The following TEX11 variants were observed in gnomAD, a reference collection of about 807,000 sequenced individuals.
The protein encoded by TEX11 is testis expressed 11.
Under a neutral mutation model 84.4 loss-of-function variants are expected in TEX11, and 7 were observed. The observed-to-expected ratio is 0.08, with a 90% CI of 0.05 to 0.16. The LOEUF (loss-of-function observed/expected upper bound fraction) is 0.16. Among genes scored for constraint, TEX11 ranks in the 10% least tolerant of loss-of-function variants. The pLI is 1.00. For synonymous variants in TEX11, 264 were observed against 222.8 expected (o/e 1.18, Z -1.64); for missense variants, 551 against 660.5 (o/e 0.83, Z 1.82).
Position 70,809,920 on chromosome X carries a change from A to C in TEX11, c.607-3130T>G, listed in dbSNP as rs147767813. 3.0e-4 allele frequency among the ~76,000 whole-genome samples: 34 copies of C among 112,111 alleles called. No individual in the cohort carries two copies. The East Asian group carries it at 9.4e-3, about 31-fold the overall frequency. Reference sequence around the variant, plus strand: ...GACCTGTAAACTTATTTTACTCTTTAAACTATGTATAGATACACACTGATA... The same window carrying C: ...GACCTGTAAACTTATTTTACTCTTTCAACTATGTATAGATACACACTGATA... On this transcript the variant is annotated intron_variant, in intron 8 of 29. Coordinates refer to ENST00000374333, the MANE Select transcript of TEX11 (RefSeq NM_031276.3).
chrX:70,606,898 G>T, intron 23 of TEX11, 61 bp downstream of exon 23: 2 of 732,165 alleles, frequency 2.7e-6, no homozygotes, highest in Non-Finnish European at 4.0e-6. Flanking sequence ...CTTTACTATA[G>T]CCATAGTGGT....
chrX:70,888,733 A>T (rs1383979362), intron 2 of TEX11, among the ~76,000 whole-genome samples: 1 of 111,833 alleles, frequency 8.9e-6, no homozygotes, highest in Non-Finnish European at 1.9e-5. Flanking sequence ...AAAAGGTTAT[A>T]GAACACCAAG....
intron 9 of TEX11, among the ~76,000 whole-genome samples, chrX:70,803,132 AT>A (rs2091198772): frequency 8.9e-6 from 1 of 111,910 alleles, no homozygotes; most frequent in South Asian, 3.7e-4. Flanking sequence ...AAAAAATGGT[AT>A]TTTATTAAAC....
At chrX:70,662,601 A>C (rs1022890802) in intron 16 of TEX11, among the ~76,000 whole-genome samples, 89 of 111,738 alleles carry the variant, frequency 8.0e-4, no homozygotes, top group Non-Finnish European at 1.5e-3. Flanking sequence ...AAAAATGTTA[A>C]GTGCAGCCAG....
intron 25 of TEX11, among the ~76,000 whole-genome samples, chrX:70,589,931 T>C (rs1213314005): frequency 8.9e-6 from 1 of 112,446 alleles, no homozygotes; most frequent in Non-Finnish European, 1.9e-5. Flanking sequence ...TACTGTAGTT[T>C]GGGTTTTTAA....
intron 24 of TEX11, 74 bp downstream of exon 24, chrX:70,605,327 A>T (rs1399633223): frequency 3.1e-6 from 2 of 652,179 alleles, no homozygotes; most frequent in Non-Finnish European, 4.8e-6. Context: ...AATCAAAAAG[A>T]ACTGCATCAG....
chrX:70,907,873 TC>T, intron 1 of TEX11, 63 bp from the exon 2 acceptor site: 1 of 744,695 alleles, frequency 1.3e-6, no homozygotes, highest in Non-Finnish European at 2.1e-6. Flanking sequence ...CAAATTTCTT[TC>T]CAGTGAAATG....
At chrX:70,808,306 C>T (rs1213769572) in intron 8 of TEX11, among the ~76,000 whole-genome samples, 2 of 106,457 alleles carry the variant, frequency 1.9e-5, no homozygotes, top group Non-Finnish European at 3.8e-5. Context: ...AGTTTGAGAC[C>T]AGCCTGGCCA....
At chrX:70,577,021 C>T (rs56653755) in intron 25 of TEX11, among the ~76,000 whole-genome samples, 1,224 of 111,521 alleles carry the variant, frequency 0.011, 22 homozygotes, top group African/African-American at 0.038. Context: ...CCATAGCTGC[C>T]TATATCCACT....
At chrX:70,801,748 T>C (rs1394781940) in intron 9 of TEX11, among the ~76,000 whole-genome samples, 4 of 108,409 alleles carry the variant, frequency 3.7e-5, no homozygotes, top group Non-Finnish European at 3.8e-5. Context: ...TAATACTGCA[T>C]TGTACACTTG....
intron 20 of TEX11, among the ~76,000 whole-genome samples, chrX:70,621,581 TAA>T (rs1363027482): frequency 7.8e-5 from 4 of 51,366 alleles, no homozygotes; most frequent in East Asian, 6.8e-4. Flanking sequence ...TATATATAAA[TAA>T]AAATAAAATA....
At chrX:70,720,732 A>G (rs1030945262) in intron 13 of TEX11, among the ~76,000 whole-genome samples, 6 of 101,366 alleles carry the variant, frequency 5.9e-5, no homozygotes, top group Non-Finnish European at 1.2e-4. Context: ...ATTATTTTTC[A>G]TTACACAGAT....
At chrX:70,705,722 T>C (rs1387692810) in intron 13 of TEX11, among the ~76,000 whole-genome samples, 1 of 112,145 alleles carries the variant, frequency 8.9e-6, no homozygotes, top group African/African-American at 3.2e-5. Context: ...TCATCATCAC[T>C]GGCCATCAGA....
chrX:70,644,679 A>T (rs1227651201), intron 17 of TEX11, among the ~76,000 whole-genome samples: 1 of 91,186 alleles, frequency 1.1e-5, no homozygotes, highest in Non-Finnish European at 2.2e-5. Context: ...AGAACAAAAA[A>T]CCAAACACCG....
At position 70,581,386 on chromosome X, in the gene TEX11, C is replaced by T. The variant is rs772524935; in HGVS notation, c.2140+10365G>A. 3.8e-5 allele frequency among the ~76,000 whole-genome samples: 4 copies of T among 105,626 alleles called. No individual in the cohort carries two copies. The East Asian group carries it at 1.2e-3, about 32-fold the overall frequency. The allele number at this position is 105,626 out of a possible 115,157, so 91.7% of individuals were successfully genotyped here. A position where few individuals can be genotyped will look rare whatever the true frequency, so the allele number is the denominator to read the frequency against. On this transcript the variant is annotated intron_variant, in intron 25 of 29. Coordinates refer to ENST00000374333, the MANE Select transcript of TEX11 (RefSeq NM_031276.3). ...TGATCTCGGCTCACTGCAACCTCCG[C>T]CTGCTGGGTTCAAGTAATTCTCCTA...
At chrX:70,727,425 T>C (rs779153658) in intron 11 of TEX11, among the ~76,000 whole-genome samples, 2 of 111,240 alleles carry the variant, frequency 1.8e-5, no homozygotes, top group East Asian at 5.7e-4. Context: ...AACACCGGTG[T>C]CCTCACTACC....
downstream of TEX11, among the ~76,000 whole-genome samples, chrX:70,528,095 C>A (rs2087839987): frequency 9.0e-6 from 1 of 111,343 alleles, no homozygotes; most frequent in African/African-American, 3.3e-5. Flanking sequence ...ACATGAGGAA[C>A]AACTAAGGGG....
At chrX:70,858,236 T>A (rs1257486387) in intron 5 of TEX11, among the ~76,000 whole-genome samples, 1 of 108,635 alleles carries the variant, frequency 9.2e-6, no homozygotes, top group African/African-American at 3.4e-5. Context: ...GATCACGAGG[T>A]CAGGAGTTCA....
chrX:70,513,063 G>T, the TEX11 span, among the ~76,000 whole-genome samples: 2 of 108,715 alleles, frequency 1.8e-5, no homozygotes, highest in African/African-American at 6.8e-5. Flanking sequence ...GAATAAAAAA[G>T]AATATATAGG....
Sources: gnomAD v4.1 joint callset for allele counts (sites outside exome capture counted in the v4.1 genomes callset) on GRCh38, gnomAD v4.1.1 for gene constraint, MANE v1.5 for transcripts, NCBI Gene and HGNC (gene_info 2026-07-23, HGNC 2026-07-21) for gene names.